Variants in ST6GALNAC3 observed in about 807,000 individuals in gnomAD.
The protein encoded by ST6GALNAC3 is ST6 N-acetylgalactosaminide alpha-2,6-sialyltransferase 3, also known as alpha-N-acetylgalactosaminide alpha-2,6-sialyltransferase 3.
A neutral mutation model predicts 32.7 loss-of-function variants in ST6GALNAC3; 25 were observed. The ratio of observed to expected loss-of-function variants is 0.76; its 90% CI spans 0.56 to 1.07. The LOEUF is 1.07. ST6GALNAC3 is among the 50% of genes least tolerant of loss of function. The probability of loss-of-function intolerance (pLI) is 0.00; values close to 1 mark genes in which losing one functional copy is unlikely to be tolerated. For missense variants in ST6GALNAC3, 355 were observed against 382.4 expected (o/e 0.93, Z 0.60); for synonymous variants, 129 against 133.1 (o/e 0.97, Z 0.21).
chr1:76,371,685 G>C (rs1650832158), intron 2 of ST6GALNAC3, among the ~76,000 whole-genome samples: 1 of 152,096 alleles, frequency 6.6e-6, no homozygotes, highest in Non-Finnish European at 1.5e-5. Flanking sequence ...TATAACTTTT[G>C]AATGACAATA....
intron 2 of ST6GALNAC3, among the ~76,000 whole-genome samples, chr1:76,377,082 C>T (rs1358895861): frequency 6.6e-6 from 1 of 151,940 alleles, no homozygotes. Flanking sequence ...CTACTTAAAA[C>T]AAATAAAACT....
At chr1:76,170,720 G>C (rs192261197) in intron 1 of ST6GALNAC3, among the ~76,000 whole-genome samples, 45 of 152,226 alleles carry the variant, frequency 3.0e-4, no homozygotes, top group Admixed American at 7.8e-4. Context: ...ATAAGTATTG[G>C]GGGGTGGTGT....
chr1:76,237,735 GA>G (rs989156464), intron 1 of ST6GALNAC3, among the ~76,000 whole-genome samples: 1 of 151,860 alleles, frequency 6.6e-6, no homozygotes, highest in Admixed American at 6.6e-5. Context: ...ATTCTAGATA[GA>G]AAAAAAATAT....
Position 76,238,948 on chromosome 1 carries a change from CTT to C in ST6GALNAC3, c.19-74839_19-74838del, listed in dbSNP as rs35385527. The stretch of plus-strand genomic sequence containing the variant: ...TCCACTAAGCCTGTTTCCCACTAAC[CTT>C]TTTTTTTTTTTTTTTTTAACTGTTT... On this transcript the variant is annotated intron_variant, in intron 1 of 4. Transcript: ENST00000328299. 1.8e-3 allele frequency among the ~76,000 whole-genome samples: 236 copies of C among 131,206 alleles called. 3 individuals are homozygous for C. The highest frequency in any genetic ancestry group is 5.9e-3 in the African/African-American group (209 of 35,232). The allele number at this position is 131,206 out of a possible 152,430, so 86.1% of individuals were successfully genotyped here.
At chr1:76,368,036 G>T (rs142462111) in intron 2 of ST6GALNAC3, among the ~76,000 whole-genome samples, 2 of 152,208 alleles carry the variant, frequency 1.3e-5, no homozygotes, top group African/African-American at 4.8e-5. Flanking sequence ...AAGGCTGAAG[G>T]ATATCCACCA....
At chr1:76,196,485 G>C (rs1428463167) in intron 1 of ST6GALNAC3, among the ~76,000 whole-genome samples, 8 of 147,904 alleles carry the variant, frequency 5.4e-5, no homozygotes, top group Admixed American at 6.7e-5. Context: ...TTTTTTTTGA[G>C]ACGGAGTTTC....
intron 3 of ST6GALNAC3, among the ~76,000 whole-genome samples, chr1:76,483,672 G>A (rs1359251558): frequency 6.6e-6 from 1 of 152,088 alleles, no homozygotes; most frequent in Non-Finnish European, 1.5e-5. Context: ...TCTGTAGGTT[G>A]CCTGTTCACT....
downstream of ST6GALNAC3, among the ~76,000 whole-genome samples, chr1:76,636,598 A>G (rs1649511134): frequency 6.6e-6 from 1 of 152,166 alleles, no homozygotes; most frequent in African/African-American, 2.4e-5. Flanking sequence ...CTATAAAGAG[A>G]GGACCTTATA....
intron 1 of ST6GALNAC3, among the ~76,000 whole-genome samples, chr1:76,139,136 G>A (rs972851325): frequency 6.6e-6 from 1 of 151,914 alleles, no homozygotes; most frequent in African/African-American, 2.4e-5. Context: ...GGAGCTTGCT[G>A]TGAGCCGAGA....
chr1:76,158,959 CA>C (rs1308297626), intron 1 of ST6GALNAC3, among the ~76,000 whole-genome samples: 1 of 152,172 alleles, frequency 6.6e-6, no homozygotes, highest in Non-Finnish European at 1.5e-5. Flanking sequence ...GATCCCCACT[CA>C]GGCCCTTCGT....
chr1:76,441,111 A>G (rs1656565233), intron 3 of ST6GALNAC3, among the ~76,000 whole-genome samples: 1 of 151,460 alleles, frequency 6.6e-6, no homozygotes, highest in Non-Finnish European at 1.5e-5. Flanking sequence ...AAAAAAAATA[A>G]GAGAAAGCAA....
chr1:76,366,245 A>C (rs1195539119), intron 2 of ST6GALNAC3, among the ~76,000 whole-genome samples: 1 of 152,160 alleles, frequency 6.6e-6, no homozygotes, highest in East Asian at 1.9e-4. Flanking sequence ...GACAGTTAGC[A>C]ACTCTGAATT....
chr1:76,273,032 A>G (rs1477930346), intron 1 of ST6GALNAC3, among the ~76,000 whole-genome samples: 3 of 152,176 alleles, frequency 2.0e-5, no homozygotes, highest in Non-Finnish European at 1.5e-5. Flanking sequence ...GCATTTATAA[A>G]TTTTTTTAAA....
intron 3 of ST6GALNAC3, among the ~76,000 whole-genome samples, chr1:76,484,198 A>T (rs1659939651): frequency 6.6e-6 from 1 of 152,060 alleles, no homozygotes; most frequent in Non-Finnish European, 1.5e-5. Context: ...TTGACTTGGC[A>T]ATGTGGGCTC....
chr1:76,266,861 T>C (rs952808380), intron 1 of ST6GALNAC3, among the ~76,000 whole-genome samples: 5 of 152,186 alleles, frequency 3.3e-5, no homozygotes, highest in Non-Finnish European at 5.9e-5. Context: ...CCACCCACAA[T>C]CTCAGGCCCA....
chr1:76,251,963 A>T (rs72998542), intron 1 of ST6GALNAC3, among the ~76,000 whole-genome samples: 16 of 152,120 alleles, frequency 1.1e-4, no homozygotes, highest in Non-Finnish European at 1.8e-4. Context: ...AATCTCACCC[A>T]TCTAAAGGCA....
chr1:76,320,440 C>T (rs1378013413), intron 2 of ST6GALNAC3, among the ~76,000 whole-genome samples: 4 of 152,096 alleles, frequency 2.6e-5, no homozygotes, highest in Non-Finnish European at 5.9e-5. Flanking sequence ...CTTGGCCCTA[C>T]TGCCCTGCAT....
chr1:76,171,068 A>C (rs1557669963), intron 1 of ST6GALNAC3, among the ~76,000 whole-genome samples: 1 of 150,994 alleles, frequency 6.6e-6, no homozygotes, highest in African/African-American at 2.4e-5. Context: ...TTTTTAACTG[A>C]ACAGTTATTC....
chr1:76,149,476 T>C (rs556717330), intron 1 of ST6GALNAC3, among the ~76,000 whole-genome samples: 1 of 152,324 alleles, frequency 6.6e-6, no homozygotes, highest in South Asian at 2.1e-4. Context: ...ACCAGCTTTA[T>C]TGAGGTATAA....
Sources: gnomAD v4.1 joint callset for allele counts (sites outside exome capture counted in the v4.1 genomes callset) on GRCh38, gnomAD v4.1.1 for gene constraint, MANE v1.5 for transcripts, NCBI Gene and HGNC (gene_info 2026-07-23, HGNC 2026-07-21) for gene names.